NALF1: variants seen among roughly 807,000 people sequenced by gnomAD.
The protein encoded by NALF1 is family with sequence similarity 155 member A.
In NALF1, 3 loss-of-function variants were observed where a neutral mutation model predicts 48.4. The observed-to-expected ratio is 0.06, with a 90% CI of 0.03 to 0.16. The LOEUF (loss-of-function observed/expected upper bound fraction) is 0.16, where lower values mean the gene tolerates loss of function less well. Ranked by LOEUF, NALF1 falls within the 10% of genes least tolerant of loss-of-function variation. NALF1 has a pLI of 1.00. For missense variants in NALF1, 526 were observed against 571.5 expected (o/e 0.92, Z 0.81); for synonymous variants, 262 against 245.7 (o/e 1.07, Z -0.62).
At chr13:107,840,834 G>A (rs1378995651) in intron 1 of NALF1, among the ~76,000 whole-genome samples, 1 of 151,792 alleles carries the variant, frequency 6.6e-6, no homozygotes, top group Non-Finnish European at 1.5e-5. Flanking sequence ...TTTTGTTCTC[G>A]GTATTCTGTC....
chr13:107,655,211 C>T (rs971815092), intron 1 of NALF1, among the ~76,000 whole-genome samples: 1 of 152,020 alleles, frequency 6.6e-6, no homozygotes, highest in Non-Finnish European at 1.5e-5. Context: ...GTCAAACTGT[C>T]GCTCTTTGCT....
intron 1 of NALF1, among the ~76,000 whole-genome samples, chr13:107,292,611 G>A (rs1881644629): frequency 6.6e-6 from 1 of 152,114 alleles, no homozygotes; most frequent in Non-Finnish European, 1.5e-5. Flanking sequence ...TGTTCCACTG[G>A]AAGATCTTCA....
At chr13:107,641,112 G>A (rs993065377) in intron 1 of NALF1, among the ~76,000 whole-genome samples, 10 of 152,154 alleles carry the variant, frequency 6.6e-5, no homozygotes, top group Non-Finnish European at 1.0e-4. Context: ...CAGCAACATG[G>A]ATGCAACTGG....
chr13:107,783,466 G>T (rs1404610872), intron 1 of NALF1, among the ~76,000 whole-genome samples: 1 of 152,210 alleles, frequency 6.6e-6, no homozygotes. Context: ...TGGTTGCCAT[G>T]TCTGTGTAGA....
At position 107,216,837 on chromosome 13, in the gene NALF1, T is replaced by C. The variant is rs147579361; in HGVS notation, c.916-6082A>G. 3.7e-3 allele frequency among the ~76,000 whole-genome samples: 559 copies of C among 152,222 alleles called. 5 individuals carry two copies. Among genetic ancestry groups the C allele is most frequent in the Middle Eastern group, 0.017 (5 of 294 alleles). On this transcript the variant is annotated intron_variant, in intron 1 of 2. Transcript: ENST00000375915. ...GGCCAACGCAAGCCCAGTTGGCCAATCAGGGTATGGCACCACGGAGCTGCC... is the reference window on the plus strand; with the variant it reads ...GGCCAACGCAAGCCCAGTTGGCCAACCAGGGTATGGCACCACGGAGCTGCC...
chr13:107,461,727 G>T (rs1884921693), intron 1 of NALF1, among the ~76,000 whole-genome samples: 1 of 152,184 alleles, frequency 6.6e-6, no homozygotes, highest in Admixed American at 6.5e-5. Flanking sequence ...GAAGTTTACA[G>T]ATATTGTAAT....
rs145336175 is a variant in NALF1, at chr13:107,734,995, T to A, written c.915+130687A>T. Reference sequence around the variant, plus strand: ...AAACTCCACTTAGGAATGCATGGGATCAAAGACTACTGCTCCTGGGAGGAA... The same window carrying A: ...AAACTCCACTTAGGAATGCATGGGAACAAAGACTACTGCTCCTGGGAGGAA... On this transcript the variant is annotated intron_variant, in intron 1 of 2. Coordinates refer to ENST00000375915, the MANE Select transcript of NALF1 (RefSeq NM_001080396.3). 9.5e-4 allele frequency among the ~76,000 whole-genome samples: 145 copies of A among 152,200 alleles called. 1 individual carries two copies. The East Asian group carries it at 0.025, about 26-fold the overall frequency.
At chr13:107,579,635 CAATT>C (rs766479910) in intron 1 of NALF1, among the ~76,000 whole-genome samples, 22 of 149,776 alleles carry the variant, frequency 1.5e-4, no homozygotes, top group East Asian at 1.4e-3. Flanking sequence ...TTTTATTTGA[CAATT>C]AAGCTATTTT....
At chr13:107,277,724 C>A (rs1881308986) in intron 1 of NALF1, among the ~76,000 whole-genome samples, 2 of 152,194 alleles carry the variant, frequency 1.3e-5, no homozygotes, top group African/African-American at 4.8e-5. Context: ...TACCATCAAC[C>A]AATTTCTAGC....
chr13:107,578,260 T>G (rs1210973572), intron 1 of NALF1, among the ~76,000 whole-genome samples: 1 of 141,846 alleles, frequency 7.0e-6, no homozygotes, highest in Non-Finnish European at 1.5e-5. Flanking sequence ...TCTGGTTGTT[T>G]CTACCCTAGC....
At chr13:107,553,362 T>C (rs1458736924) in intron 1 of NALF1, among the ~76,000 whole-genome samples, 1 of 152,216 alleles carries the variant, frequency 6.6e-6, no homozygotes, top group East Asian at 1.9e-4. Context: ...ACATGTTACC[T>C]GACCCGTTCC....
chr13:107,722,899 A>G (rs1474743343), intron 1 of NALF1, among the ~76,000 whole-genome samples: 2 of 152,216 alleles, frequency 1.3e-5, no homozygotes, highest in Admixed American at 6.5e-5. Context: ...ATTGCTGTAC[A>G]TGGCGGCTCT....
At chr13:107,766,003 G>A (rs1877408753) in intron 1 of NALF1, among the ~76,000 whole-genome samples, 1 of 123,380 alleles carries the variant, frequency 8.1e-6, no homozygotes, top group Admixed American at 8.6e-5. Flanking sequence ...AGCTGTTTCT[G>A]TTCCTTTGTT....
rs1479571404 is a variant in NALF1 at position 107,368,376 on chromosome 13, G to A, written c.916-157621C>T. ...CTGTTGCCCAGGCTGGAGTGCAATG[G>A]CCCAATCTCGGCTCACTAAAACCTC... On this transcript the variant is annotated intron_variant, in intron 1 of 2. Coordinates refer to ENST00000375915, the MANE Select transcript of NALF1 (RefSeq NM_001080396.3). 1.3e-5 allele frequency among the ~76,000 whole-genome samples: 2 copies of A among 150,440 alleles called. 1 individual carries two copies. The highest frequency in any genetic ancestry group is 1.3e-4 in the Admixed American group (2 of 14,988).
chr13:107,352,363 C>T (rs997824129), intron 1 of NALF1, among the ~76,000 whole-genome samples: 33 of 152,130 alleles, frequency 2.2e-4, no homozygotes, highest in African/African-American at 8.0e-4. Flanking sequence ...AATTGGGAAG[C>T]TTAGGATTTT....
chr13:107,516,265 GA>G (rs1876047952), intron 1 of NALF1, among the ~76,000 whole-genome samples: 1 of 152,124 alleles, frequency 6.6e-6, no homozygotes, highest in Admixed American at 6.6e-5. Context: ...CGTGGAGAAA[GA>G]AAAAGCAGAA....
intron 1 of NALF1, among the ~76,000 whole-genome samples, chr13:107,750,582 G>GAA (rs769048095): frequency 4.3e-5 from 6 of 139,340 alleles, no homozygotes; most frequent in Non-Finnish European, 6.2e-5. Context: ...TTATTAACAT[G>GAA]AAAAAAAAAA....
intron 1 of NALF1, among the ~76,000 whole-genome samples, chr13:107,819,161 G>A (rs1301623023): frequency 6.7e-6 from 1 of 149,618 alleles, no homozygotes; most frequent in East Asian, 2.0e-4. Context: ...CTTGAAGATA[G>A]TAGGCTCTGA....
chr13:107,253,720 G>A (rs1295594065), intron 1 of NALF1, among the ~76,000 whole-genome samples: 3 of 151,940 alleles, frequency 2.0e-5, no homozygotes, highest in Non-Finnish European at 2.9e-5. Context: ...GGGTCTTCTC[G>A]CATCTCTGTG....
Sources: allele counts gnomAD v4.1 joint callset (sites outside exome capture counted in the v4.1 genomes callset), GRCh38; gene constraint gnomAD v4.1.1; transcripts MANE v1.5; gene names NCBI Gene and HGNC (gene_info 2026-07-23, HGNC 2026-07-21).